The following SLC35F6 variants were observed in gnomAD, a reference collection of about 807,000 sequenced individuals.
SLC35F6 encodes the protein ANT2-binding protein.
SLC35F6 carries 26 observed loss-of-function variants against 29.4 expected under a neutral mutation model. The observed-to-expected ratio is 0.89, with a 90% CI of 0.65 to 1.23. The LOEUF is 1.23. Ranked by LOEUF, SLC35F6 falls within the 50% of genes most tolerant of loss-of-function variation. The pLI is 0.00. For synonymous variants in SLC35F6, 174 were observed against 206.6 expected, an observed-to-expected ratio of 0.84 and a Z score of 1.35; for missense variants, 428 against 487.8, an observed-to-expected ratio of 0.88 and a Z score of 1.15.
chr2:26,777,833 A>G (rs1282358211), intron 5 of SLC35F6, among the ~76,000 whole-genome samples: 1 of 152,072 alleles, frequency 6.6e-6, no homozygotes, highest in Non-Finnish European at 1.5e-5. Context: ...TCCAGTCAAA[A>G]AAACCCTGAG....
chr2:26,774,782 G>A (rs1037122257), intron 2 of SLC35F6, among the ~76,000 whole-genome samples: 2 of 152,082 alleles, frequency 1.3e-5, no homozygotes, highest in African/African-American at 4.8e-5. Flanking sequence ...CTCCACCTGC[G>A]ATTTGACTAG....
chr2:26,767,053 A>G (rs1249918843), intron 1 of SLC35F6, among the ~76,000 whole-genome samples: 1 of 152,188 alleles, frequency 6.6e-6, no homozygotes, highest in Non-Finnish European at 1.5e-5. Flanking sequence ...TCTTTCTGTG[A>G]TTCAACTGTT....
In SLC35F6 at chr2:26,778,540, G is replaced by A. The variant is rs559059130; in HGVS notation, c.*29G>A. On this transcript the variant is annotated 3_prime_UTR_variant, in exon 6 of 6. Transcript: ENST00000344420. ...TCCCTGGAGGCTTCTACTGCCACCC[G>A]GGTGCTCCTTCTCCCTGAGACTGAG... 18 of 1,542,398 alleles carry A rather than the reference G, an allele frequency of 1.2e-5. No homozygotes were observed. Among genetic ancestry groups the A allele is most frequent in the South Asian group, 2.4e-5 (2 of 81,994 alleles).
chr2:26,777,049 A>AT (rs1664313462), intron 5 of SLC35F6, among the ~76,000 whole-genome samples: 1 of 152,200 alleles, frequency 6.6e-6, no homozygotes, highest in Admixed American at 6.5e-5. Context: ...AAATACAAAA[A>AT]TTAGCTGGGC....
intron 1 of SLC35F6, among the ~76,000 whole-genome samples, chr2:26,771,893 C>A (rs1664203098): frequency 6.6e-6 from 1 of 152,146 alleles, no homozygotes; most frequent in African/African-American, 2.4e-5. Flanking sequence ...CCCAGACTCC[C>A]TGTTCCATAG....
chr2:26,770,697 G>A (rs910820349), intron 1 of SLC35F6, among the ~76,000 whole-genome samples: 1 of 151,832 alleles, frequency 6.6e-6, no homozygotes, highest in Non-Finnish European at 1.5e-5. Flanking sequence ...CAGCCTGGGT[G>A]ACAGAGGGAG....
Position 26,778,089 on chromosome 2 carries a change from T to C in SLC35F6, c.694T>C (p.Tyr232His). ...CTCCCTGCTGCTGGTGCCCATGTAC[T>C]ACATCCCCGCCGGCTCCTTCAGCGG... ...ILSLLLVPMYYIPAGSFSGNP... is the reference protein window; with the variant it reads ...ILSLLLVPMYHIPAGSFSGNP... The change falls in exon 6 of 6, where the codon TAC becomes CAC. Residue 232 changes from tyrosine to histidine, a missense_variant. Transcript: ENST00000344420. The C allele has an allele frequency of 6.2e-7, 1 of 1,614,028 alleles. No homozygotes were observed. The highest frequency in any genetic ancestry group is 8.5e-7 in the Non-Finnish European group (1 of 1,179,912).
At chr2:26,773,505 A>G (rs1281249906) in intron 1 of SLC35F6, among the ~76,000 whole-genome samples, 1 of 149,416 alleles carries the variant, frequency 6.7e-6, no homozygotes, top group Non-Finnish European at 1.5e-5. Context: ...TCCATTAAGA[A>G]AAAAAAAAAA....
At chr2:26,768,280 TCA>T (rs964388101) in intron 1 of SLC35F6, among the ~76,000 whole-genome samples, 1 of 152,050 alleles carries the variant, frequency 6.6e-6, no homozygotes, top group Non-Finnish European at 1.5e-5. Flanking sequence ...TCTGTGAGCC[TCA>T]GTTTTCTCAT....
rs957084035 is a variant in SLC35F6 at position 26,779,054 on chromosome 2, C to T, written c.*543C>T. 6.6e-6 allele frequency: 1 copy of T among 152,388 alleles called. No homozygotes were observed. Among genetic ancestry groups the T allele is most frequent in the Non-Finnish European group, 1.5e-5 (1 of 68,390 alleles). 9.4% of individuals were successfully genotyped at this position (152,388 alleles called of 1,614,324 possible). A position where few individuals can be genotyped will look rare whatever the true frequency, so the allele number is the denominator to read the frequency against. ...CTCCCAGGTTCAAATGATTCTCCTG[C>T]CTCAGCCTCCCGAGTAGCTGGGATT... On this transcript the variant is annotated 3_prime_UTR_variant, in exon 6 of 6. Transcript: ENST00000344420.
At chr2:26,774,922 T>C in intron 2 of SLC35F6, 122 bp from the exon 3 acceptor site, 1 of 1,197,486 alleles carries the variant, frequency 8.4e-7, no homozygotes, top group Admixed American at 2.8e-5. Flanking sequence ...CATTTGTCTA[T>C]TTTACATATT....
At chr2:26,774,735 T>C (rs572287582) in intron 2 of SLC35F6, among the ~76,000 whole-genome samples, 1 of 152,322 alleles carries the variant, frequency 6.6e-6, no homozygotes, top group East Asian at 1.9e-4. Context: ...CTTTGTGGCC[T>C]TACATAAGTC....
Position 26,778,256 on chromosome 2 carries a change from G to A in SLC35F6, c.861G>A (p.Leu287=), listed in dbSNP as rs1383358452. The A allele has an allele frequency of 6.2e-7, 1 of 1,614,028 alleles. No individual in the cohort carries two copies. The highest frequency in any genetic ancestry group is 1.3e-5 in the African/African-American group (1 of 74,910). The part of the protein sequence containing the change: ...NFAGISVTKE[L]SATTRMVLDS... ...CAGGCATCAGCGTCACCAAGGAACTGAGCGCCACCACCCGCATGGTGTTGG... is the reference window on the plus strand; with the variant it reads ...CAGGCATCAGCGTCACCAAGGAACTAAGCGCCACCACCCGCATGGTGTTGG... Residue 287 remains leucine, a synonymous_variant, in exon 6 of 6, where the codon CTG becomes CTA. Transcript: ENST00000344420.
chr2:26,771,911 T>C (rs1229685818), intron 1 of SLC35F6, among the ~76,000 whole-genome samples: 3 of 152,194 alleles, frequency 2.0e-5, no homozygotes, highest in African/African-American at 7.2e-5. Flanking sequence ...TAGCAGGCGC[T>C]TTCTTTGCCC....
Position 26,778,285 on chromosome 2 carries a change from G to A in SLC35F6, c.890G>A (p.Ser297Asn). 1 of 1,614,214 alleles carries A rather than the reference G, an allele frequency of 6.2e-7. No individual in the cohort carries two copies. The highest frequency in any genetic ancestry group is 8.5e-7 in the Non-Finnish European group (1 of 1,180,028). The part of the protein sequence containing the change: ...LSATTRMVLD[S>N]LRTVVIWALS... ...GCCACCACCCGCATGGTGTTGGACA[G>A]CTTGCGCACCGTTGTCATCTGGGCA... The change falls in exon 6 of 6, where the codon AGC (serine) becomes AAC (asparagine). Residue 297 changes from serine (S) to asparagine (N), a missense_variant. Transcript: ENST00000344420.
intron 1 of SLC35F6, among the ~76,000 whole-genome samples, chr2:26,773,263 G>GT: frequency 6.6e-6 from 1 of 152,090 alleles, no homozygotes; most frequent in Non-Finnish European, 1.5e-5. Context: ...CACGTTGGGA[G>GT]GCTGAGGAGG....
Position 26,778,667 on chromosome 2 carries a change from C to T in SLC35F6, c.*156C>T, listed in dbSNP as rs1320431514. 1.4e-6 allele frequency: 1 copy of T among 695,266 alleles called. No individual in the cohort carries two copies. The highest frequency in any genetic ancestry group is 1.8e-5 in the African/African-American group (1 of 55,854). The allele number at this position is 695,266 out of a possible 1,614,324, so 43.1% of individuals were successfully genotyped here. A position where few individuals can be genotyped will look rare whatever the true frequency, so the allele number is the denominator to read the frequency against. On this transcript the variant is annotated 3_prime_UTR_variant, in exon 6 of 6. Coordinates refer to ENST00000344420, the MANE Select transcript of SLC35F6 (RefSeq NM_017877.4). ...CAGCTGCTGCCACAGAAGATAACAA[C>T]ACCCAAGTCCTCTTTTTCTCACTAC...
At position 26,778,518 on chromosome 2, in the gene SLC35F6, C is replaced by T. The variant is rs760085578; in HGVS notation, c.*7C>T. The T allele has an allele frequency of 7.0e-6, 11 of 1,579,984 alleles. No individual in the cohort carries two copies. The South Asian group carries it at 8.0e-5, about 12-fold the overall frequency. ...CATCAATGATGCCAGCTGAGGTTCCCTGGAGGCTTCTACTGCCACCCGGGT... is the reference window on the plus strand; with the variant it reads ...CATCAATGATGCCAGCTGAGGTTCCTTGGAGGCTTCTACTGCCACCCGGGT... On this transcript the variant is annotated 3_prime_UTR_variant, in exon 6 of 6. Coordinates refer to ENST00000344420, the MANE Select transcript of SLC35F6 (RefSeq NM_017877.4).
At chr2:26,764,482 C>T in intron 1 of SLC35F6, 56 bp downstream of exon 1, 3 of 1,540,644 alleles carry the variant, frequency 1.9e-6, no homozygotes, top group Non-Finnish European at 2.6e-6. Flanking sequence ...GCTCGTTCTA[C>T]GCCTTCCCCC....
Sources: allele counts gnomAD v4.1 joint callset (sites outside exome capture counted in the v4.1 genomes callset), GRCh38; gene constraint gnomAD v4.1.1; transcripts MANE v1.5; gene names NCBI Gene and HGNC (gene_info 2026-07-23, HGNC 2026-07-21).